ROR2: variants seen among roughly 807,000 people sequenced by gnomAD.
ROR2 encodes tyrosine-protein kinase transmembrane receptor ROR2.
Under a neutral mutation model 74.9 loss-of-function variants are expected in ROR2, and 33 were observed. That is an observed-to-expected ratio of 0.44 (90% CI 0.33 to 0.59). ROR2 has a LOEUF of 0.59. Ranked by LOEUF, ROR2 falls within the 20% of genes least tolerant of loss-of-function variation. The pLI is 0.02. For missense variants in ROR2, 1,216 were observed against 1,313.8 expected (o/e 0.93, Z 1.15); for synonymous variants, 586 against 558.7 (o/e 1.05, Z -0.69).
intron 1 of ROR2, among the ~76,000 whole-genome samples, chr9:91,835,142 C>G (rs1828573227): frequency 6.6e-6 from 1 of 150,700 alleles, no homozygotes; most frequent in Non-Finnish European, 1.5e-5. Flanking sequence ...CATGTGCTGC[C>G]CCCTTGTTGG....
At chr9:91,813,689 C>T (rs1276883901) in intron 1 of ROR2, among the ~76,000 whole-genome samples, 1 of 152,196 alleles carries the variant, frequency 6.6e-6, no homozygotes, top group Non-Finnish European at 1.5e-5. Context: ...GTCCCATTTC[C>T]TCAGCTGCGC....
intron 1 of ROR2, among the ~76,000 whole-genome samples, chr9:91,842,088 C>T (rs1828797471): frequency 6.6e-6 from 1 of 152,036 alleles, no homozygotes; most frequent in Admixed American, 6.5e-5. Context: ...CTGTGCAGAC[C>T]CATGCCTGCA....
chr9:91,949,834 C>T lies in ROR2; in HGVS notation c.97+33G>A, dbSNP rs546642981. 14 of 1,336,422 alleles carry T rather than the reference C, an allele frequency of 1.0e-5. No individual in the cohort carries two copies. The East Asian group carries it at 2.3e-4, about 22-fold the overall frequency. The allele number at this position is 1,336,422 out of a possible 1,614,324, so 82.8% of individuals were successfully genotyped here. ...GCTGGCCAAGCGAGCCGTGAGCTAC[C>T]GTCTGCGCACAAGCCGGAACGCCAG... On this transcript the variant is annotated intron_variant, in intron 1 of 8. Coordinates refer to ENST00000375708, the MANE Select transcript of ROR2 (RefSeq NM_004560.4).
chr9:91,766,656 G>A (rs1826067599), intron 2 of ROR2, among the ~76,000 whole-genome samples: 1 of 152,106 alleles, frequency 6.6e-6, no homozygotes, highest in South Asian at 2.1e-4. Context: ...TTTCCTTTAT[G>A]TGCAAAATAC....
At chr9:91,891,520 C>T (rs943555649) in intron 1 of ROR2, among the ~76,000 whole-genome samples, 1 of 152,172 alleles carries the variant, frequency 6.6e-6, no homozygotes, top group African/African-American at 2.4e-5. Context: ...CCACCTGCCT[C>T]GGCCTCCCAA....
At chr9:91,931,508 A>T (rs1831548106) in intron 1 of ROR2, among the ~76,000 whole-genome samples, 3 of 152,210 alleles carry the variant, frequency 2.0e-5, no homozygotes, top group African/African-American at 7.2e-5. Context: ...CAGATAAAGA[A>T]GACAAAAGTG....
chr9:91,857,388 G>T (rs1564002909), intron 1 of ROR2, among the ~76,000 whole-genome samples: 1 of 152,232 alleles, frequency 6.6e-6, no homozygotes, highest in Non-Finnish European at 1.5e-5. Flanking sequence ...AGGGCTTTGT[G>T]ACTGCCAGGG....
At chr9:91,876,590 C>G (rs1254330787) in intron 1 of ROR2, among the ~76,000 whole-genome samples, 3 of 151,808 alleles carry the variant, frequency 2.0e-5, no homozygotes, top group Admixed American at 2.0e-4. Context: ...ACAGAGGTGC[C>G]AAGATAAGAA....
chr9:91,844,515 A>G (rs1444654110), intron 1 of ROR2, among the ~76,000 whole-genome samples: 1 of 152,218 alleles, frequency 6.6e-6, no homozygotes, highest in Non-Finnish European at 1.5e-5. Flanking sequence ...TCTGAAGAGA[A>G]CATATGAATT....
chr9:91,848,133 G>A (rs1364828562), intron 1 of ROR2, among the ~76,000 whole-genome samples: 1 of 152,200 alleles, frequency 6.6e-6, no homozygotes, highest in Non-Finnish European at 1.5e-5. Flanking sequence ...AAATATGTTG[G>A]TTTGATGCTA....
intron 6 of ROR2, among the ~76,000 whole-genome samples, chr9:91,732,534 A>C (rs1023684183): frequency 6.6e-6 from 1 of 152,046 alleles, no homozygotes; most frequent in South Asian, 2.1e-4. Context: ...GCTTCCCTGT[A>C]TTTCCTTCCC....
At chr9:91,777,734 C>T (rs1369830287) in intron 1 of ROR2, among the ~76,000 whole-genome samples, 1 of 152,128 alleles carries the variant, frequency 6.6e-6, no homozygotes, top group African/African-American at 2.4e-5. Context: ...CTGGTAACCA[C>T]GAATCTGCTG....
intron 1 of ROR2, among the ~76,000 whole-genome samples, chr9:91,845,846 C>G (rs992627088): frequency 1.5e-5 from 2 of 135,180 alleles, no homozygotes; most frequent in Non-Finnish European, 3.0e-5. Flanking sequence ...CCACTGCACT[C>G]CAGCCTGGGC....
At chr9:91,917,680 G>A (rs1410973430) in intron 1 of ROR2, among the ~76,000 whole-genome samples, 11 of 152,302 alleles carry the variant, frequency 7.2e-5, no homozygotes, top group South Asian at 4.1e-4. Flanking sequence ...CAAAACCAGC[G>A]TACCTGGTGT....
At chr9:91,930,407 G>T (rs1831519498) in intron 1 of ROR2, among the ~76,000 whole-genome samples, 1 of 152,236 alleles carries the variant, frequency 6.6e-6, no homozygotes, top group Non-Finnish European at 1.5e-5. Context: ...AGCTTAGACT[G>T]TGTGGTCCGA....
At chr9:91,762,670 A>G (rs1825951665) in intron 2 of ROR2, among the ~76,000 whole-genome samples, 1 of 152,218 alleles carries the variant, frequency 6.6e-6, no homozygotes. Context: ...CATCATTCCA[A>G]TGCATATTTA....
Position 91,872,225 on chromosome 9 carries a change from TG to T in ROR2, c.97+77641del, listed in dbSNP as rs1485093162. ...TAAAAGAGACTCCTCACTCTTGGTATGATATAACCTGAGTTTATGTCAAAAG... is the reference window on the plus strand; with the variant it reads ...TAAAAGAGACTCCTCACTCTTGGTATATATAACCTGAGTTTATGTCAAAAG... On this transcript the variant is annotated intron_variant, in intron 1 of 8. Transcript: ENST00000375708. 3.9e-5 allele frequency among the ~76,000 whole-genome samples: 6 copies of T among 152,344 alleles called. No individual in the cohort carries two copies. The East Asian group carries it at 9.6e-4, about 24-fold the overall frequency.
intron 4 of ROR2, among the ~76,000 whole-genome samples, chr9:91,743,169 GA>G (rs1030265482): frequency 2.6e-5 from 4 of 152,056 alleles, no homozygotes; most frequent in Admixed American, 1.3e-4. Context: ...TACAGCAGAA[GA>G]AAAAAATCTA....
At position 91,723,931 on chromosome 9, in the gene ROR2, T is replaced by C; in HGVS notation, c.2563A>G (p.Met855Val). ...QMAPQQVPPQ[M>V]VPKPSSHHSG... The stretch of plus-strand genomic sequence containing the variant: ...TGGTGTGAGCTGGGCTTGGGGACCA[T>C]CTGAGGAGGCACCTGCTGCGGGGCC... Residue 855 changes from methionine to valine, a missense_variant, in exon 9 of 9, where the codon ATG (methionine) becomes GTG (valine). Transcript: ENST00000375708. 6.2e-7 allele frequency: 1 copy of C among 1,613,764 alleles called. No homozygotes were observed. Among genetic ancestry groups the C allele is most frequent in the East Asian group, 2.2e-5 (1 of 44,874 alleles).
Sources: allele counts gnomAD v4.1 joint callset (sites outside exome capture counted in the v4.1 genomes callset), GRCh38; gene constraint gnomAD v4.1.1; transcripts MANE v1.5; gene names NCBI Gene and HGNC (gene_info 2026-07-23, HGNC 2026-07-21).